The following PCDHGA1 variants were observed in gnomAD, a reference collection of about 807,000 sequenced individuals.
The protein encoded by PCDHGA1 is protocadherin gamma-A1.
PCDHGA1 carries 32 observed loss-of-function variants against 58.0 expected under a neutral mutation model. That is an observed-to-expected ratio of 0.55 (90% confidence interval 0.42 to 0.74). PCDHGA1 has a LOEUF of 0.74. Ranked by LOEUF, PCDHGA1 falls within the 30% of genes least tolerant of loss-of-function variation. The pLI, the probability that PCDHGA1 is intolerant of heterozygous loss-of-function variation, is 0.00. For synonymous variants in PCDHGA1, 498 were observed against 501.1 expected (o/e 0.99, Z 0.08); for missense variants, 1,205 against 1,182.3 (o/e 1.02, Z -0.28).
intron 1 of PCDHGA1, among the ~76,000 whole-genome samples, chr5:141,468,130 G>C (rs1312004369): frequency 6.6e-6 from 1 of 151,878 alleles, no homozygotes; most frequent in Admixed American, 6.6e-5. Context: ...TTTGAGACCA[G>C]CCTGGCCAAC....
intron 1 of PCDHGA1, among the ~76,000 whole-genome samples, chr5:141,451,644 G>A (rs1730833205): frequency 6.6e-6 from 1 of 152,178 alleles, no homozygotes; most frequent in Non-Finnish European, 1.5e-5. Context: ...CACTCTGAGA[G>A]GCCAAGGAGG....
At chr5:141,408,450 A>C in intron 1 of PCDHGA1, 1 of 1,613,944 alleles carries the variant, frequency 6.2e-7, no homozygotes, top group Non-Finnish European at 8.5e-7. Flanking sequence ...GAGAGCGGGG[A>C]CTTACTTGTG....
intron 3 of PCDHGA1, 120 bp downstream of exon 3, chr5:141,505,601 C>T (rs1171679451): frequency 6.4e-7 from 1 of 1,550,630 alleles, no homozygotes; most frequent in Non-Finnish European, 8.7e-7. Flanking sequence ...GATCTTTCGG[C>T]AGGTCTGAAA....
intron 1 of PCDHGA1, chr5:141,362,286 C>T: frequency 6.2e-7 from 1 of 1,614,082 alleles, no homozygotes; most frequent in Non-Finnish European, 8.5e-7. Flanking sequence ...GCCTGCGACT[C>T]TCTTCCAGGT....
chr5:141,428,358 G>T, intron 1 of PCDHGA1: 1 of 565,492 alleles, frequency 1.8e-6, no homozygotes, highest in Non-Finnish European at 3.2e-6. Flanking sequence ...TGATTTTGGC[G>T]GTCGCCTTGC....
rs557975319 is a variant in PCDHGA1 at position 141,381,867 on chromosome 5, T to C, written c.2421+48762T>C. ...TTTTTTTGGCAGAGTTTTGCTCTTGTTGTCCAGGCTGGAGTGCAATGGTGT... is the reference window on the plus strand; with the variant it reads ...TTTTTTTGGCAGAGTTTTGCTCTTGCTGTCCAGGCTGGAGTGCAATGGTGT... On this transcript the variant is annotated intron_variant, in intron 1 of 3. Coordinates refer to ENST00000517417, the MANE Select transcript of PCDHGA1 (RefSeq NM_018912.3). Among the ~76,000 whole-genome samples, 9 of 148,494 alleles carry C rather than the reference T, an allele frequency of 6.1e-5. No homozygotes were observed. In the South Asian group the frequency reaches 2.0e-3, roughly 33 times the overall value.
intron 1 of PCDHGA1, among the ~76,000 whole-genome samples, chr5:141,484,544 A>G (rs1160398392): frequency 6.6e-6 from 1 of 152,144 alleles, no homozygotes; most frequent in Non-Finnish European, 1.5e-5. Flanking sequence ...CAGTGGTTCT[A>G]ATTAGCAGTT....
rs1254438724 is a variant in PCDHGA1 at position 141,389,817 on chromosome 5, C to T, written c.2421+56712C>T. 17 of 1,613,870 alleles carry T rather than the reference C, an allele frequency of 1.1e-5. No homozygotes were observed. Among genetic ancestry groups the T allele is most frequent in the Non-Finnish European group, 1.4e-5 (16 of 1,179,892 alleles). On this transcript the variant is annotated intron_variant, in intron 1 of 3. Transcript: ENST00000517417. ...CCGCCAGCGCCTTCTGGTCGCCGTG[C>T]GTGACGGTGGACAGCCACCACTCTC...
At chr5:141,447,861 G>A (rs2098553733) in intron 1 of PCDHGA1, among the ~76,000 whole-genome samples, 1 of 152,120 alleles carries the variant, frequency 6.6e-6, no homozygotes, top group Non-Finnish European at 1.5e-5. Flanking sequence ...CGAGGTGGGT[G>A]AATCATCTGA....
chr5:141,377,732 C>A (rs554693714), intron 1 of PCDHGA1: 2 of 152,264 alleles, frequency 1.3e-5, no homozygotes, highest in African/African-American at 4.8e-5. Flanking sequence ...AGATAAGAAT[C>A]ATTGGTAACT....
intron 1 of PCDHGA1, among the ~76,000 whole-genome samples, chr5:141,462,993 T>A (rs1350208420): frequency 1.3e-5 from 2 of 152,164 alleles, no homozygotes; most frequent in African/African-American, 4.8e-5. Flanking sequence ...TTGGGCTAAT[T>A]TAGACCTACC....
At chr5:141,362,532 T>C in intron 1 of PCDHGA1, 1 of 1,613,846 alleles carries the variant, frequency 6.2e-7, no homozygotes, top group Non-Finnish European at 8.5e-7. Flanking sequence ...CTGGGGTCCC[T>C]TTTGCCTCAG....
chr5:141,409,270 T>A (rs761773360), intron 1 of PCDHGA1: 6 of 1,613,996 alleles, frequency 3.7e-6, no homozygotes, highest in Non-Finnish European at 4.2e-6. Flanking sequence ...CTGATCAGAT[T>A]TTGGAGAATT....
rs756361613 is a variant in PCDHGA1 at position 141,392,855 on chromosome 5, C to G, written c.2421+59750C>G. 3.1e-6 allele frequency: 5 copies of G among 1,612,176 alleles called. No individual in the cohort carries two copies. The highest frequency in any genetic ancestry group is 3.3e-4 in the Middle Eastern group (2 of 6,050). Reference sequence around the variant, plus strand: ...GTCGCCCCAGACGCGGCGAGCTGATCCTGCTGTGCGCGCTGCTGGGAACGC... The same window carrying G: ...GTCGCCCCAGACGCGGCGAGCTGATGCTGCTGTGCGCGCTGCTGGGAACGC... On this transcript the variant is annotated intron_variant, in intron 1 of 3. Coordinates refer to ENST00000517417, the MANE Select transcript of PCDHGA1 (RefSeq NM_018912.3).
At position 141,332,207 on chromosome 5, in the gene PCDHGA1, A is replaced by T; in HGVS notation, c.1523A>T (p.Asn508Ile). 1 of 1,613,926 alleles carries T rather than the reference A, an allele frequency of 6.2e-7. No homozygotes were observed. Among genetic ancestry groups the T allele is most frequent in the African/African-American group, 1.3e-5 (1 of 74,948 alleles). Residue 508 changes from asparagine (N) to isoleucine (I), a missense_variant, in exon 1 of 4, where the codon AAC (asparagine) becomes ATC (isoleucine). Transcript: ENST00000517417. The surrounding 1 kb of genome is among the most constrained non-coding windows in gnomAD (Gnocchi z 4.6). ...CCCCTATCTGCCTACCTCTCCATCA[A>T]CTCCGACACTGGGGTCCTGTATGCG... ...GAPLSAYLSINSDTGVLYALR... is the reference protein window; with the variant it reads ...GAPLSAYLSIISDTGVLYALR...
At chr5:141,413,056 T>A in intron 1 of PCDHGA1, 1 of 1,030,200 alleles carries the variant, frequency 9.7e-7, no homozygotes, top group East Asian at 2.6e-5. Flanking sequence ...GGAAGCTCAC[T>A]CCAGAATTTA....
At chr5:141,423,332 C>T in intron 1 of PCDHGA1, 1 of 1,614,198 alleles carries the variant, frequency 6.2e-7, no homozygotes, top group South Asian at 1.1e-5. Flanking sequence ...GCCGCAGTCT[C>T]CTGCATCTTC....
chr5:141,385,498 T>C, intron 1 of PCDHGA1: 2 of 1,386,236 alleles, frequency 1.4e-6, no homozygotes, highest in Non-Finnish European at 1.9e-6. Context: ...TAGGATATAG[T>C]ATTTCTTTAG....
intron 1 of PCDHGA1, chr5:141,339,738 T>A (rs1221899090): frequency 2.5e-6 from 4 of 1,614,112 alleles, no homozygotes; most frequent in Non-Finnish European, 3.4e-6. Flanking sequence ...GAGAATACGC[T>A]CGTGGGCACC....
Sources: gnomAD v4.1 joint callset for allele counts (sites outside exome capture counted in the v4.1 genomes callset) on GRCh38, gnomAD v4.1.1 for gene constraint, Gnocchi (gnomAD v3.1) non-coding constraint, MANE v1.5 for transcripts, NCBI Gene and HGNC (gene_info 2026-07-23, HGNC 2026-07-21) for gene names.